RTCA: variants seen among roughly 807,000 people sequenced by gnomAD.
RTCA encodes the protein RNA terminal phosphate cyclase domain 1.
A neutral mutation model predicts 46.1 loss-of-function variants in RTCA; 37 were observed. That is an observed-to-expected ratio of 0.80 (90% CI 0.62 to 1.06). The LOEUF (loss-of-function observed/expected upper bound fraction) is 1.06, where lower values mean the gene tolerates loss of function less well. Ranked by LOEUF, RTCA falls within the 50% of genes least tolerant of loss-of-function variation. The pLI is 0.00. For synonymous variants in RTCA, 164 were observed against 158.3 expected (o/e 1.04, Z -0.27); for missense variants, 435 against 455.5 (o/e 0.95, Z 0.41).
rs575915115 is a variant in RTCA at position 100,283,578 on chromosome 1, G to A, written c.800-1650G>A. ...AATAGCTTTTTATGTACTAGTCTGG[G>A]TAATAGATGCTTTATAAATATTATC... On this transcript the variant is annotated intron_variant, in intron 8 of 10. Transcript: ENST00000370128. 5.6e-4 allele frequency among the ~76,000 whole-genome samples: 85 copies of A among 152,136 alleles called. 2 individuals are homozygous for A. In the South Asian group the frequency reaches 7.5e-3, roughly 13 times the overall value.
At position 100,266,365 on chromosome 1, in the gene RTCA, G is replaced by C. The variant is rs771841239; in HGVS notation, c.-11G>C. The C allele has an allele frequency of 7.4e-6, 12 of 1,612,142 alleles. No homozygotes were observed. The East Asian group carries it at 1.8e-4, about 24-fold the overall frequency. On this transcript the variant is annotated 5_prime_UTR_variant, in exon 1 of 11. Transcript: ENST00000370128. Reference sequence around the variant, plus strand: ...CTTTGTCGCTGCGGGCTGGGCCCCAGGGTGTCCCCCATGGCGGGGCCGCGG... The same window carrying C: ...CTTTGTCGCTGCGGGCTGGGCCCCACGGTGTCCCCCATGGCGGGGCCGCGG...
intron 2 of RTCA, chr1:100,267,617 G>C (rs1557971895): frequency 7.0e-7 from 1 of 1,420,846 alleles, no homozygotes; most frequent in Non-Finnish European, 9.4e-7. Context: ...TGGTTCCTCT[G>C]TGTACCTTGC....
At chr1:100,267,399 A>T (rs1162526679) in intron 2 of RTCA, 2 of 1,240,702 alleles carry the variant, frequency 1.6e-6, no homozygotes, top group Admixed American at 6.7e-5. Context: ...GGGGAATCCA[A>T]TTCATTAGGC....
intron 3 of RTCA, among the ~76,000 whole-genome samples, chr1:100,269,648 G>T (rs1557972950): frequency 6.6e-6 from 1 of 151,912 alleles, no homozygotes; most frequent in Non-Finnish European, 1.5e-5. Context: ...GTGAGTGTTT[G>T]TTATTATTAA....
intron 6 of RTCA, 85 bp from the exon 7 acceptor site, chr1:100,275,514 A>G (rs1013357142): frequency 9.7e-7 from 1 of 1,033,788 alleles, no homozygotes; most frequent in African/African-American, 1.7e-5. Flanking sequence ...GCTACCAATT[A>G]TTTTATGTGT....
Position 100,285,313 on chromosome 1 carries a change from G to A in RTCA, c.885G>A (p.Leu295=), listed in dbSNP as rs1225036735. Residue 295 remains leucine, a synonymous_variant, in exon 9 of 11, where the codon CTG becomes CTA. Transcript: ENST00000370128. ...ATGGTGGTACTGTGGATGAGTATCTGCAAGACCAGGTAATGACACATTTAG... is the reference window on the plus strand; with the variant it reads ...ATGGTGGTACTGTGGATGAGTATCTACAAGACCAGGTAATGACACATTTAG... ...LRHGGTVDEY[L]QDQLIVFMAL... 6.2e-7 allele frequency: 1 copy of A among 1,611,454 alleles called. No individual in the cohort carries two copies. The highest frequency in any genetic ancestry group is 1.3e-5 in the African/African-American group (1 of 74,842).
rs141689090 is a variant in RTCA, at chr1:100,268,088, C to A, written c.147-64C>A. The A allele has an allele frequency of 3.8e-5, 59 of 1,571,968 alleles. No individual in the cohort carries two copies. In the African/African-American group the frequency reaches 7.5e-4, roughly 20 times the overall value. On this transcript the variant is annotated intron_variant, in intron 2 of 10. Transcript: ENST00000370128. The stretch of plus-strand genomic sequence containing the variant: ...TGCCATTGCAGTTTTATAAATTTGT[C>A]ATAAAATGTGGGGATGTAGGCAGTC...
At chr1:100,278,635 C>T (rs1666529983) in intron 8 of RTCA, among the ~76,000 whole-genome samples, 1 of 152,040 alleles carries the variant, frequency 6.6e-6, no homozygotes, top group Non-Finnish European at 1.5e-5. Context: ...AAATGTTTAC[C>T]CTAGCTATGC....
chr1:100,266,914 A>C, intron 2 of RTCA: 1 of 450,506 alleles, frequency 2.2e-6, no homozygotes, highest in Non-Finnish European at 4.0e-6. Context: ...GGGCATTCCA[A>C]ATATCCGAAC....
intron 8 of RTCA, among the ~76,000 whole-genome samples, chr1:100,278,306 T>C (rs576344419): frequency 2.6e-5 from 4 of 152,362 alleles, no homozygotes; most frequent in African/African-American, 9.6e-5. Context: ...TGAATGTTTT[T>C]GTGAAAGGGA....
intron 4 of RTCA, among the ~76,000 whole-genome samples, chr1:100,271,921 A>G (rs80033568): frequency 2.2e-4 from 33 of 152,338 alleles, no homozygotes; most frequent in African/African-American, 7.5e-4. Context: ...AGAATGTCAT[A>G]TAAGGGATAA....
intron 3 of RTCA, among the ~76,000 whole-genome samples, chr1:100,268,954 C>T (rs568797686): frequency 3.3e-5 from 5 of 151,662 alleles, no homozygotes; most frequent in East Asian, 3.9e-4. Flanking sequence ...TTTGGGAGGC[C>T]GAGGTGGGTG....
chr1:100,268,751 C>G (rs1665921487), intron 3 of RTCA, among the ~76,000 whole-genome samples: 1 of 152,062 alleles, frequency 6.6e-6, no homozygotes, highest in Middle Eastern at 3.2e-3. Flanking sequence ...CTTCCCAGTT[C>G]AATACTTAAG....
chr1:100,275,050 GAACTT>G (rs10601886), intron 6 of RTCA, 85 bp downstream of exon 6: 56,148 of 1,324,574 alleles, frequency 0.042, 2,006 homozygotes, highest in African/African-American at 0.18. Flanking sequence ...ATTATTGAGA[GAACTT>G]AACATTTTTT....
At chr1:100,267,188 T>G (rs552439050) in intron 2 of RTCA, 10 of 299,966 alleles carry the variant, frequency 3.3e-5, no homozygotes, top group African/African-American at 1.7e-4. Context: ...CTAGTTGAGC[T>G]TCAGGTACAT....
At chr1:100,289,374 C>A (rs548902784) in intron 10 of RTCA, among the ~76,000 whole-genome samples, 1 of 152,070 alleles carries the variant, frequency 6.6e-6, no homozygotes, top group Admixed American at 6.6e-5. Flanking sequence ...AACTCCTGGG[C>A]TCAAGTGATC....
intron 5 of RTCA, among the ~76,000 whole-genome samples, chr1:100,273,739 T>C (rs1666224881): frequency 6.6e-6 from 1 of 152,232 alleles, no homozygotes; most frequent in Non-Finnish European, 1.5e-5. Flanking sequence ...ACAGCTTAAG[T>C]GCTCACTGTG....
chr1:100,268,073 G>GT (rs1665885098), intron 2 of RTCA, 79 bp from the exon 3 acceptor site: 2 of 1,562,026 alleles, frequency 1.3e-6, no homozygotes, highest in Non-Finnish European at 1.7e-6. Flanking sequence ...TGCCATTGCA[G>GT]TTTTATAAAT....
intron 10 of RTCA, among the ~76,000 whole-genome samples, chr1:100,288,363 A>T (rs936939620): frequency 3.3e-5 from 5 of 152,226 alleles, no homozygotes; most frequent in African/African-American, 1.2e-4. Flanking sequence ...ATAAAGAAAT[A>T]TAAAATTTGT....
Sources: allele counts gnomAD v4.1 joint callset (sites outside exome capture counted in the v4.1 genomes callset), GRCh38; gene constraint gnomAD v4.1.1; transcripts MANE v1.5; gene names NCBI Gene and HGNC (gene_info 2026-07-23, HGNC 2026-07-21).